Variants in RCAN1 observed in about 807,000 individuals in gnomAD.
The protein encoded by RCAN1 is calcipressin-1.
RCAN1 carries 11 observed loss-of-function variants against 22.9 expected under a neutral mutation model. The ratio of observed to expected loss-of-function variants is 0.48; its 90% confidence interval spans 0.30 to 0.79. The LOEUF (loss-of-function observed/expected upper bound fraction) is 0.79. Among genes scored for constraint, RCAN1 ranks in the 30% least tolerant of loss-of-function variants. The probability of loss-of-function intolerance (pLI) is 0.06; values close to 1 mark genes in which losing one functional copy is unlikely to be tolerated. For synonymous variants in RCAN1, 136 were observed against 142.3 expected (o/e 0.96, Z 0.32); for missense variants, 291 against 337.8 (o/e 0.86, Z 1.09).
chr21:34,592,729 C>T (rs938262531), intron 1 of RCAN1, among the ~76,000 whole-genome samples: 1 of 152,116 alleles, frequency 6.6e-6, no homozygotes, highest in African/African-American at 2.4e-5. Context: ...TTGTGTTTTC[C>T]GATTCCAAGA....
intron 1 of RCAN1, among the ~76,000 whole-genome samples, chr21:34,600,943 T>C (rs1988317079): frequency 6.6e-6 from 1 of 152,240 alleles, no homozygotes; most frequent in Non-Finnish European, 1.5e-5. Flanking sequence ...CATGCACGTG[T>C]GTTCACAAAC....
chr21:34,594,097 A>G (rs1988066745), intron 1 of RCAN1, among the ~76,000 whole-genome samples: 1 of 152,178 alleles, frequency 6.6e-6, no homozygotes, highest in South Asian at 2.1e-4. Context: ...GTGACCCTTG[A>G]GTTAGAAAGC....
chr21:34,553,647 A>T (rs1042451316), intron 1 of RCAN1, among the ~76,000 whole-genome samples: 1 of 152,188 alleles, frequency 6.6e-6, no homozygotes, highest in Non-Finnish European at 1.5e-5. Flanking sequence ...CTAAATCCCA[A>T]ATCAACATTT....
At chr21:34,552,829 C>T (rs572052201) in intron 1 of RCAN1, among the ~76,000 whole-genome samples, 21 of 152,322 alleles carry the variant, frequency 1.4e-4, no homozygotes, top group African/African-American at 5.1e-4. Context: ...ACTTATTTCC[C>T]TCCATGGGCA....
chr21:34,551,083 G>C (rs1008082029), intron 1 of RCAN1, among the ~76,000 whole-genome samples: 1 of 152,182 alleles, frequency 6.6e-6, no homozygotes, highest in Admixed American at 6.5e-5. Context: ...GCCACATTTT[G>C]GTAATCATCT....
intron 1 of RCAN1, among the ~76,000 whole-genome samples, chr21:34,605,056 T>C (rs1385036200): frequency 2.6e-5 from 4 of 152,208 alleles, no homozygotes; most frequent in African/African-American, 4.8e-5. Context: ...CTTGATTGGA[T>C]TGAAAGATGC....
At chr21:34,606,443 G>A (rs1359140768) in intron 1 of RCAN1, among the ~76,000 whole-genome samples, 2 of 152,124 alleles carry the variant, frequency 1.3e-5, no homozygotes, top group Non-Finnish European at 2.9e-5. Flanking sequence ...AGGTGCACCC[G>A]TGACATGTAT....
At chr21:34,544,332 G>A (rs969814473) in intron 1 of RCAN1, among the ~76,000 whole-genome samples, 3 of 152,208 alleles carry the variant, frequency 2.0e-5, no homozygotes, top group African/African-American at 7.2e-5. Context: ...TGCTGATTCT[G>A]AAGATGGAGG....
intron 1 of RCAN1, chr21:34,527,041 T>C (rs1226819835): frequency 1.8e-6 from 2 of 1,086,364 alleles, no homozygotes; most frequent in Non-Finnish European, 2.3e-6. Flanking sequence ...TTAACTTTGC[T>C]TGGGGAGAAT....
At chr21:34,544,908 G>T (rs1278548794) in intron 1 of RCAN1, among the ~76,000 whole-genome samples, 1 of 152,228 alleles carries the variant, frequency 6.6e-6, no homozygotes, top group Admixed American at 6.5e-5. Context: ...GCCTTTTAAA[G>T]ACTGTATGAC....
At chr21:34,568,830 T>C (rs1285837558) in intron 1 of RCAN1, among the ~76,000 whole-genome samples, 1 of 152,200 alleles carries the variant, frequency 6.6e-6, no homozygotes, top group Non-Finnish European at 1.5e-5. Flanking sequence ...TGTTTTCACG[T>C]TGCTGATAAA....
chr21:34,577,134 G>A (rs1987434164), intron 1 of RCAN1, among the ~76,000 whole-genome samples: 1 of 152,214 alleles, frequency 6.6e-6, no homozygotes, highest in South Asian at 2.1e-4. Flanking sequence ...GAGCACCACT[G>A]CACTAATGAG....
intron 1 of RCAN1, among the ~76,000 whole-genome samples, chr21:34,551,958 A>G (rs972067516): frequency 6.6e-6 from 1 of 152,254 alleles, no homozygotes; most frequent in Non-Finnish European, 1.5e-5. Flanking sequence ...AATTTGGGAC[A>G]GATGGCTGTG....
chr21:34,525,386 A>C, intron 1 of RCAN1: 1 of 1,448,222 alleles, frequency 6.9e-7, no homozygotes, highest in Non-Finnish European at 9.1e-7. Context: ...GTGCGAAGGA[A>C]CGCGGAGCTG....
At chr21:34,581,222 G>A (rs886818368) in intron 1 of RCAN1, among the ~76,000 whole-genome samples, 4 of 151,908 alleles carry the variant, frequency 2.6e-5, no homozygotes, top group East Asian at 1.9e-4. Flanking sequence ...CTATTCCAAC[G>A]TCCCAACCAA....
At chr21:34,525,328 T>C (rs1222605279) in intron 1 of RCAN1, 3 of 1,515,838 alleles carry the variant, frequency 2.0e-6, no homozygotes, top group Non-Finnish European at 2.7e-6. Context: ...TTTTCTTCAG[T>C]TTAGGGACAT....
intron 1 of RCAN1, among the ~76,000 whole-genome samples, chr21:34,585,630 C>G (rs1568923600): frequency 6.6e-6 from 1 of 150,412 alleles, no homozygotes; most frequent in Admixed American, 6.7e-5. Context: ...GTAGTCCCAG[C>G]TACTCGGGAG....
intron 1 of RCAN1, among the ~76,000 whole-genome samples, chr21:34,545,944 A>G (rs1039408782): frequency 2.6e-5 from 4 of 152,248 alleles, no homozygotes; most frequent in African/African-American, 9.6e-5. Flanking sequence ...CTTTTAATAC[A>G]GAGCTGCTTT....
chr21:34,588,870 A>G (rs971337664), intron 1 of RCAN1, among the ~76,000 whole-genome samples: 1 of 152,244 alleles, frequency 6.6e-6, no homozygotes, highest in African/African-American at 2.4e-5. Flanking sequence ...AAATTTTGAA[A>G]CATGTACAAT....
Sources: gnomAD v4.1 joint callset for allele counts (sites outside exome capture counted in the v4.1 genomes callset) on GRCh38, gnomAD v4.1.1 for gene constraint, MANE v1.5 for transcripts, NCBI Gene and HGNC (gene_info 2026-07-23, HGNC 2026-07-21) for gene names.